The following SLAIN2 variants were observed in gnomAD, a reference collection of about 807,000 sequenced individuals.
SLAIN2 encodes the protein SLAIN family member 2, also known as SLAIN motif-containing protein 2.
In SLAIN2, 31 loss-of-function variants were observed where a neutral mutation model predicts 56.6. That is an observed-to-expected ratio of 0.55 (90% CI 0.41 to 0.74). The LOEUF is 0.74. Ranked by LOEUF, SLAIN2 falls within the 30% of genes least tolerant of loss-of-function variation. The probability of loss-of-function intolerance (pLI) is 0.00; values close to 1 mark genes in which losing one functional copy is unlikely to be tolerated. For synonymous variants in SLAIN2, 317 were observed against 284.9 expected (o/e 1.11, Z -1.13); for missense variants, 777 against 754.2 (o/e 1.03, Z -0.35).
At chr4:48,373,029 G>T (rs375950667) in intron 2 of SLAIN2, among the ~76,000 whole-genome samples, 1 of 151,472 alleles carries the variant, frequency 6.6e-6, no homozygotes, top group Non-Finnish European at 1.5e-5. Flanking sequence ...TTCTTCACTT[G>T]TTTTTTTTGA....
chr4:48,394,538 C>G (rs530125244), intron 6 of SLAIN2: 62 of 1,496,104 alleles, frequency 4.1e-5, no homozygotes, highest in Non-Finnish European at 5.0e-5. Flanking sequence ...TTGTCTTGTA[C>G]TTCCAGGCAA....
chr4:48,421,212 G>T (rs899944670), intron 7 of SLAIN2, among the ~76,000 whole-genome samples: 23 of 152,094 alleles, frequency 1.5e-4, no homozygotes, highest in African/African-American at 5.1e-4. Flanking sequence ...TTACCATGTT[G>T]CCCAGGCTTG....
At chr4:48,396,218 G>C (rs1035428716) in intron 6 of SLAIN2, among the ~76,000 whole-genome samples, 1 of 152,020 alleles carries the variant, frequency 6.6e-6, no homozygotes, top group East Asian at 1.9e-4. Context: ...GAACTGTTAT[G>C]AACTGGAATT....
chr4:48,341,583 A>G lies in SLAIN2; in HGVS notation c.-157A>G. 1 of 1,196,336 alleles carries G rather than the reference A, an allele frequency of 8.4e-7. No homozygotes were observed. The highest frequency in any genetic ancestry group is 1.1e-6 in the Non-Finnish European group (1 of 910,878). 74.1% of individuals were successfully genotyped at this position (1,196,336 alleles called of 1,614,324 possible). ...TCGGCTGGGGCCAGCGGCGCTTTGGAACCCGAGGTGGGGGGACCCTGGCGG... is the reference window on the plus strand; with the variant it reads ...TCGGCTGGGGCCAGCGGCGCTTTGGGACCCGAGGTGGGGGGACCCTGGCGG... On this transcript the variant is annotated 5_prime_UTR_variant, in exon 1 of 8. Coordinates refer to ENST00000264313, the MANE Select transcript of SLAIN2 (RefSeq NM_020846.2).
intron 6 of SLAIN2, among the ~76,000 whole-genome samples, chr4:48,418,987 T>C (rs1213249283): frequency 6.6e-6 from 1 of 152,208 alleles, no homozygotes; most frequent in East Asian, 1.9e-4. Context: ...TTCTGTTGCG[T>C]GGATATGCTA....
intron 1 of SLAIN2, among the ~76,000 whole-genome samples, chr4:48,345,383 T>A (rs1714836686): frequency 6.6e-6 from 1 of 152,226 alleles, no homozygotes; most frequent in Admixed American, 6.5e-5. Context: ...ATGGTTATTT[T>A]TTTCTTAATT....
At chr4:48,348,424 A>C (rs1714926867) in intron 1 of SLAIN2, among the ~76,000 whole-genome samples, 1 of 152,096 alleles carries the variant, frequency 6.6e-6, no homozygotes, top group Non-Finnish European at 1.5e-5. Context: ...ATGGTGGCTC[A>C]TGCCTGTAAT....
In SLAIN2 at chr4:48,420,339, A is replaced by G. The variant is rs1432990933; in HGVS notation, c.1575A>G (p.Arg525=). Residue 525 remains arginine (R), a synonymous_variant, in exon 7 of 8, where the codon AGA becomes AGG. Transcript: ENST00000264313. The part of the protein sequence containing the change: ...PSNINSATLT[R]PAGTTAMRSG... ...ATATCAACAGCGCTACTCTAACCAGACCTGCAGGGACAACTGCAATGAGAA... is the reference window on the plus strand; with the variant it reads ...ATATCAACAGCGCTACTCTAACCAGGCCTGCAGGGACAACTGCAATGAGAA... 1 of 1,614,004 alleles carries G rather than the reference A, an allele frequency of 6.2e-7. No individual in the cohort carries two copies. The highest frequency in any genetic ancestry group is 2.2e-5 in the East Asian group (1 of 44,882).
chr4:48,353,301 A>G (rs1345230525), intron 1 of SLAIN2, among the ~76,000 whole-genome samples: 1 of 152,156 alleles, frequency 6.6e-6, no homozygotes, highest in Admixed American at 6.5e-5. Flanking sequence ...ATGAATGGTC[A>G]CCCAAGAAGT....
chr4:48,341,979 G>C lies in SLAIN2; in HGVS notation c.240G>C (p.Gly80=). The change falls in exon 1 of 8, where the codon GGG becomes GGC. Residue 80 remains glycine, a synonymous_variant. Transcript: ENST00000264313. The part of the protein sequence containing the change: ...GLSAKSGGGP[G]SGPRRTSSEE... ...GCGCCAAGTCGGGCGGCGGGCCCGGGTCGGGCCCGAGGCGGACGAGTAGCG... is the reference window on the plus strand; with the variant it reads ...GCGCCAAGTCGGGCGGCGGGCCCGGCTCGGGCCCGAGGCGGACGAGTAGCG... 1.4e-6 allele frequency: 2 copies of C among 1,434,380 alleles called. No individual in the cohort carries two copies. Among genetic ancestry groups the C allele is most frequent in the Non-Finnish European group, 1.8e-6 (2 of 1,100,398 alleles). 88.9% of individuals were successfully genotyped at this position (1,434,380 alleles called of 1,614,324 possible).
intron 6 of SLAIN2, among the ~76,000 whole-genome samples, chr4:48,400,130 A>G (rs952689051): frequency 1.3e-5 from 2 of 152,022 alleles, no homozygotes; most frequent in African/African-American, 2.4e-5. Context: ...TCTGTCTGGT[A>G]TTGGGCTTTT....
chr4:48,379,944 T>A, intron 4 of SLAIN2, 96 bp downstream of exon 4: 1 of 1,105,526 alleles, frequency 9.0e-7, no homozygotes, highest in Non-Finnish European at 1.2e-6. Flanking sequence ...GGTAGTAATG[T>A]AGTGAAAGTA....
chr4:48,369,893 C>A lies in SLAIN2; in HGVS notation c.434C>A (p.Ser145Ter). Residue 145 changes from serine to a stop codon, truncating the protein, a stop_gained, in exon 2 of 8, where the codon TCG becomes TAG. Coordinates refer to ENST00000264313, the MANE Select transcript of SLAIN2 (RefSeq NM_020846.2). LOFTEE classifies it high-confidence loss of function. ...PKKKLTPMQK[S>*]VSPLVWCRQV... ...AAAAAACTTACACCAATGCAGAAAT[C>A]GGTTAGTCCATTAGTTTGGTGCAGG... 1 of 1,613,566 alleles carries A rather than the reference C, an allele frequency of 6.2e-7. No individual in the cohort carries two copies. Among genetic ancestry groups the A allele is most frequent in the Non-Finnish European group, 8.5e-7 (1 of 1,179,676 alleles).
At chr4:48,415,382 C>T (rs1482084713) in intron 6 of SLAIN2, among the ~76,000 whole-genome samples, 1 of 65,854 alleles carries the variant, frequency 1.5e-5, no homozygotes, top group Non-Finnish European at 3.4e-5. Context: ...TGTTCATATC[C>T]TTCACCCACT....
chr4:48,385,304 A>G (rs1477126294), intron 6 of SLAIN2, among the ~76,000 whole-genome samples: 1 of 152,258 alleles, frequency 6.6e-6, no homozygotes, highest in East Asian at 1.9e-4. Flanking sequence ...ATGAACGCTC[A>G]GTATTCATCC....
intron 6 of SLAIN2, among the ~76,000 whole-genome samples, chr4:48,418,875 C>T (rs1359884514): frequency 4.6e-5 from 7 of 152,218 alleles, no homozygotes; most frequent in Middle Eastern, 3.4e-3. Flanking sequence ...TATGTACACA[C>T]GGACTGTTTT....
intron 1 of SLAIN2, among the ~76,000 whole-genome samples, chr4:48,356,166 G>A (rs891956012): frequency 3.3e-5 from 5 of 152,112 alleles, no homozygotes; most frequent in African/African-American, 7.2e-5. Context: ...AAAATATGAC[G>A]TTTTAGCCAG....
chr4:48,342,512 ATGTAGGAGAGGGGTC>A (rs1014727445), intron 1 of SLAIN2, among the ~76,000 whole-genome samples: 1 of 151,826 alleles, frequency 6.6e-6, no homozygotes, highest in African/African-American at 2.4e-5. Flanking sequence ...GGCATTCTGG[ATGTAGGAGAGGGGTC>A]TGCTTGATGA....
chr4:48,370,479 T>TA (rs1231432868), intron 2 of SLAIN2, among the ~76,000 whole-genome samples: 1 of 152,212 alleles, frequency 6.6e-6, no homozygotes, highest in Non-Finnish European at 1.5e-5. Context: ...CCTTGAAAGG[T>TA]AATTTTCAGG....
Sources: gnomAD v4.1 joint callset for allele counts (sites outside exome capture counted in the v4.1 genomes callset) on GRCh38, gnomAD v4.1.1 for gene constraint, MANE v1.5 for transcripts, NCBI Gene and HGNC (gene_info 2026-07-23, HGNC 2026-07-21) for gene names.